GRIN2A: variants seen among roughly 807,000 people sequenced by gnomAD.
GRIN2A encodes the protein glutamate ionotropic receptor NMDA type subunit 2A.
In GRIN2A, 22 loss-of-function variants were observed where a neutral mutation model predicts 113.4. The ratio of observed to expected loss-of-function variants is 0.19; its 90% CI spans 0.14 to 0.28. GRIN2A has a LOEUF of 0.28. GRIN2A is among the 10% of genes least tolerant of loss of function. The probability of loss-of-function intolerance (pLI) is 1.00; values close to 1 mark genes in which losing one functional copy is unlikely to be tolerated. For missense variants in GRIN2A, 1,502 were observed against 1,887.0 expected (o/e 0.80, Z 3.78); for synonymous variants, 827 against 738.4 (o/e 1.12, Z -1.94).
intron 10 of GRIN2A, among the ~76,000 whole-genome samples, chr16:9,810,703 T>TAACA (rs1433115462): frequency 2.0e-5 from 3 of 152,212 alleles, no homozygotes; most frequent in African/African-American, 4.8e-5. Context: ...AAGGCCCTGC[T>TAACA]AACACCTTGA....
intron 11 of GRIN2A, among the ~76,000 whole-genome samples, chr16:9,783,598 C>T (rs1036331449): frequency 6.6e-6 from 1 of 152,140 alleles, no homozygotes; most frequent in African/African-American, 2.4e-5. Flanking sequence ...AAGTGCCAAA[C>T]CATTTATGCC....
chr16:9,957,890 G>A (rs2045342616), intron 2 of GRIN2A, among the ~76,000 whole-genome samples: 1 of 152,120 alleles, frequency 6.6e-6, no homozygotes. Context: ...TTTTCACATT[G>A]GTTGCCCCCA....
At chr16:9,816,418 G>T (rs962051949) in intron 10 of GRIN2A, among the ~76,000 whole-genome samples, 1 of 152,156 alleles carries the variant, frequency 6.6e-6, no homozygotes, top group African/African-American at 2.4e-5. Flanking sequence ...GGGATCCTGA[G>T]AGCTGAAAAC....
chr16:10,077,451 A>C (rs527667378), intron 2 of GRIN2A, among the ~76,000 whole-genome samples: 6 of 152,148 alleles, frequency 3.9e-5, no homozygotes, highest in African/African-American at 1.4e-4. Flanking sequence ...AACCCAGTAC[A>C]TCCCACACTC....
intron 3 of GRIN2A, among the ~76,000 whole-genome samples, chr16:9,915,402 A>G (rs547886972): frequency 7.2e-5 from 11 of 152,314 alleles, no homozygotes; most frequent in Admixed American, 4.6e-4. Context: ...GACCTACACA[A>G]CTATCCAAAT....
At chr16:9,898,171 G>A (rs1363525706) in intron 3 of GRIN2A, among the ~76,000 whole-genome samples, 1 of 149,278 alleles carries the variant, frequency 6.7e-6, no homozygotes, top group Non-Finnish European at 1.5e-5. Flanking sequence ...CTAGCACAGT[G>A]CCTGGTATAC....
intron 12 of GRIN2A, among the ~76,000 whole-genome samples, chr16:9,768,520 G>A (rs555277271): frequency 6.6e-6 from 1 of 152,270 alleles, no homozygotes; most frequent in East Asian, 1.9e-4. Flanking sequence ...CACGCTACTG[G>A]TGAGGTAAAC....
intron 2 of GRIN2A, among the ~76,000 whole-genome samples, chr16:10,089,696 T>C (rs1337716308): frequency 1.6e-4 from 24 of 152,190 alleles, no homozygotes; most frequent in Admixed American, 1.5e-3. Context: ...AAACCCTTGA[T>C]AATAATAATC....
chr16:9,858,057 C>A (rs1299708359), intron 4 of GRIN2A, among the ~76,000 whole-genome samples: 1 of 152,154 alleles, frequency 6.6e-6, no homozygotes, highest in Admixed American at 6.6e-5. Context: ...AGGCACGTGT[C>A]CTTTATTTGG....
intron 2 of GRIN2A, among the ~76,000 whole-genome samples, chr16:10,080,932 G>T (rs942951930): frequency 1.3e-5 from 2 of 152,120 alleles, no homozygotes; most frequent in African/African-American, 4.8e-5. Flanking sequence ...TTCTGCCCCA[G>T]TGAATATCTT....
intron 2 of GRIN2A, among the ~76,000 whole-genome samples, chr16:9,974,222 G>A (rs930018440): frequency 1.4e-4 from 21 of 152,070 alleles, no homozygotes; most frequent in African/African-American, 4.6e-4. Flanking sequence ...AAAGAGAAGC[G>A]AAACTAAAGG....
At chr16:9,873,504 C>T (rs1351351772) in intron 4 of GRIN2A, among the ~76,000 whole-genome samples, 1 of 151,894 alleles carries the variant, frequency 6.6e-6, no homozygotes, top group East Asian at 1.9e-4. Context: ...AGTTTGAGAC[C>T]AGCCTGAGAA....
At chr16:10,120,256 T>G (rs2048808424) in intron 2 of GRIN2A, among the ~76,000 whole-genome samples, 1 of 152,168 alleles carries the variant, frequency 6.6e-6, no homozygotes, top group Admixed American at 6.5e-5. Context: ...TTGTCACAAC[T>G]ATGGACTGCT....
At chr16:9,772,881 C>A (rs1034209767) in intron 11 of GRIN2A, among the ~76,000 whole-genome samples, 4 of 120,234 alleles carry the variant, frequency 3.3e-5, no homozygotes, top group Admixed American at 2.1e-4. Flanking sequence ...AACAATACCT[C>A]TTTTTAGAGG....
chr16:9,998,181 G>A (rs186192551), intron 2 of GRIN2A, among the ~76,000 whole-genome samples: 1 of 152,194 alleles, frequency 6.6e-6, no homozygotes, highest in East Asian at 1.9e-4. Context: ...TCTTTCCCAT[G>A]GTGCTCATGT....
intron 4 of GRIN2A, among the ~76,000 whole-genome samples, chr16:9,863,513 A>G (rs563194999): frequency 2.0e-5 from 3 of 152,366 alleles, no homozygotes; most frequent in South Asian, 2.1e-4. Context: ...ACTGAGCTCT[A>G]CTTTGCAGGC....
chr16:9,798,511 CCTCGGGGTCCAG>C (rs1567305562), intron 10 of GRIN2A, 47 bp from the exon 11 acceptor site: 1 of 1,489,642 alleles, frequency 6.7e-7, no homozygotes, highest in Non-Finnish European at 9.4e-7. Context: ...CCAGGTACCA[CCTCGGGGTCCAG>C]CTCCTGAGGC....
chr16:9,900,565 A>G (rs7203322), intron 3 of GRIN2A, among the ~76,000 whole-genome samples: 4,487 of 152,238 alleles, frequency 0.029, 223 homozygotes, highest in African/African-American at 0.1. Context: ...CTTTGACCCA[A>G]CTGGCCAAAG....
intron 5 of GRIN2A, among the ~76,000 whole-genome samples, chr16:9,846,579 G>A (rs2042776157): frequency 6.6e-6 from 1 of 152,154 alleles, no homozygotes; most frequent in South Asian, 2.1e-4. Flanking sequence ...GGTGTGTCAT[G>A]CTGTGCCCTT....
Sources: allele counts gnomAD v4.1 joint callset (sites outside exome capture counted in the v4.1 genomes callset), GRCh38; gene constraint gnomAD v4.1.1; transcripts MANE v1.5; gene names NCBI Gene and HGNC (gene_info 2026-07-23, HGNC 2026-07-21).